Variants in AMOTL1 observed in about 807,000 individuals in gnomAD.
The protein encoded by AMOTL1 is angiomotin like 1.
A neutral mutation model predicts 102.9 loss-of-function variants in AMOTL1; 45 were observed. The observed-to-expected ratio is 0.44, with a 90% confidence interval of 0.34 to 0.56. The LOEUF (loss-of-function observed/expected upper bound fraction) is 0.56. Among genes scored for constraint, AMOTL1 ranks in the 20% least tolerant of loss-of-function variants. The pLI is 0.01. For missense variants in AMOTL1, 1,114 were observed against 1,225.6 expected, an observed-to-expected ratio of 0.91 and a Z score of 1.36; for synonymous variants, 481 against 484.7, an observed-to-expected ratio of 0.99 and a Z score of 0.10.
chr11:94,827,788 T>G (rs1375345653), intron 4 of AMOTL1, among the ~76,000 whole-genome samples: 8 of 152,220 alleles, frequency 5.3e-5, no homozygotes, highest in Admixed American at 5.2e-4. Flanking sequence ...CAGCCTCTTC[T>G]CAGCCATATC....
intron 3 of AMOTL1, among the ~76,000 whole-genome samples, chr11:94,804,722 CTT>C (rs35392288): frequency 0.059 from 8,988 of 152,198 alleles, 368 homozygotes; most frequent in South Asian, 0.12. Context: ...GTTCCTAAGA[CTT>C]ATATATTATA....
At chr11:94,794,949 T>G (rs551735843) in intron 1 of AMOTL1, 62 bp from the exon 2 acceptor site, 1 of 1,502,432 alleles carries the variant, frequency 6.7e-7, no homozygotes, top group Admixed American at 2.2e-5. Context: ...TTCTTGTGAG[T>G]CACACAGGAA....
chr11:94,801,074 G>A (rs1166215059), intron 3 of AMOTL1, among the ~76,000 whole-genome samples: 3 of 152,152 alleles, frequency 2.0e-5, no homozygotes, highest in African/African-American at 2.4e-5. Flanking sequence ...TCAATGTGCT[G>A]TTCTAGGAGA....
intron 1 of AMOTL1, among the ~76,000 whole-genome samples, chr11:94,709,379 T>G (rs1949984663): frequency 6.6e-6 from 1 of 151,826 alleles, no homozygotes; most frequent in African/African-American, 2.4e-5. Context: ...AAAAAGTTCC[T>G]TAATTTGCAG....
chr11:94,764,404 A>G (rs1163535913), upstream of AMOTL1, among the ~76,000 whole-genome samples: 1 of 152,202 alleles, frequency 6.6e-6, no homozygotes, highest in Non-Finnish European at 1.5e-5. Context: ...CATAAGTTAC[A>G]CTTCAGAAAG....
chr11:94,787,687 CAAAAAAAAAAAAAAAAAAAAAAAA>C (rs59563004), intron 1 of AMOTL1, among the ~76,000 whole-genome samples: 22 of 57,546 alleles, frequency 3.8e-4, no homozygotes, highest in African/African-American at 1.5e-3. Flanking sequence ...AACTCCGTCT[CAAAAAAAAAAAAAAAAAAAAAAAA>C]AAAAAAAAAA....
At chr11:94,710,226 T>G (rs892438429) in intron 1 of AMOTL1, among the ~76,000 whole-genome samples, 1 of 152,068 alleles carries the variant, frequency 6.6e-6, no homozygotes, top group African/African-American at 2.4e-5. Flanking sequence ...TGCCCAGAGG[T>G]GCCACCTGAG....
intron 2 of AMOTL1, among the ~76,000 whole-genome samples, chr11:94,733,126 CAG>C (rs1403985435): frequency 4.3e-4 from 65 of 152,330 alleles, no homozygotes; most frequent in African/African-American, 1.5e-3. Flanking sequence ...TAACTAAGCC[CAG>C]CTCAGACAGC....
At chr11:94,864,610 C>A in intron 9 of AMOTL1, 125 bp from the exon 10 acceptor site, 1 of 1,331,374 alleles carries the variant, frequency 7.5e-7, no homozygotes, top group Non-Finnish European at 1.0e-6. Flanking sequence ...CTTCATGAGC[C>A]AATGCGAGAT....
At chr11:94,861,703 T>A (rs904820892) in intron 9 of AMOTL1, among the ~76,000 whole-genome samples, 7 of 152,166 alleles carry the variant, frequency 4.6e-5, no homozygotes, top group Non-Finnish European at 8.8e-5. Flanking sequence ...AAAGCCCCAG[T>A]AGCAGTGTAA....
intron 2 of AMOTL1, among the ~76,000 whole-genome samples, chr11:94,797,481 C>A (rs1446094313): frequency 6.6e-6 from 1 of 152,194 alleles, no homozygotes; most frequent in Non-Finnish European, 1.5e-5. Flanking sequence ...AAGACATGAT[C>A]TTTGCCTTTG....
intron 3 of AMOTL1, among the ~76,000 whole-genome samples, chr11:94,818,607 A>G (rs764259046): frequency 2.1e-4 from 32 of 152,192 alleles, no homozygotes; most frequent in Non-Finnish European, 4.1e-4. Flanking sequence ...GGGACTGGAG[A>G]GAGAAAAATT....
intron 1 of AMOTL1, among the ~76,000 whole-genome samples, chr11:94,776,163 C>G (rs1273034718): frequency 1.3e-5 from 2 of 152,218 alleles, no homozygotes; most frequent in African/African-American, 4.8e-5. Context: ...AGGCAGCTGG[C>G]GCTTGTTCAT....
At chr11:94,816,190 C>T (rs1056908158) in intron 3 of AMOTL1, among the ~76,000 whole-genome samples, 3 of 152,024 alleles carry the variant, frequency 2.0e-5, no homozygotes, top group African/African-American at 2.4e-5. Flanking sequence ...TTTTAAAAGC[C>T]CCGAAATAGT....
At chr11:94,720,602 C>T (rs187414450) in intron 1 of AMOTL1, among the ~76,000 whole-genome samples, 1 of 152,184 alleles carries the variant, frequency 6.6e-6, no homozygotes, top group East Asian at 1.9e-4. Flanking sequence ...GGCTGGAAAC[C>T]CAATATTTGT....
At chr11:94,806,281 G>A (rs888275570) in intron 3 of AMOTL1, among the ~76,000 whole-genome samples, 1 of 152,252 alleles carries the variant, frequency 6.6e-6, no homozygotes, top group African/African-American at 2.4e-5. Context: ...CTTACTCCTA[G>A]TGGGCTCTGT....
At chr11:94,836,075 A>G (rs1952173859) in intron 6 of AMOTL1, among the ~76,000 whole-genome samples, 1 of 152,206 alleles carries the variant, frequency 6.6e-6, no homozygotes, top group Non-Finnish European at 1.5e-5. Context: ...GACTAAAATC[A>G]TTTCCTAAAA....
Position 94,870,807 on chromosome 11 carries a change from G to T in AMOTL1, c.*12G>T, listed in dbSNP as rs759016619. The stretch of plus-strand genomic sequence containing the variant: ...AAGTCCTCATCTAACTGCCATCCCT[G>T]TGGAATTTCAGTACAGAACACTGAC... On this transcript the variant is annotated 3_prime_UTR_variant, in exon 13 of 13. Transcript: ENST00000433060. 1 of 1,578,354 alleles carries T rather than the reference G, an allele frequency of 6.3e-7. No homozygotes were observed. Among genetic ancestry groups the T allele is most frequent in the Non-Finnish European group, 8.6e-7 (1 of 1,159,192 alleles).
rs552510635 is a variant in AMOTL1 at position 94,722,151 on chromosome 11, T to C, written c.-50-6770T>C. ...GCATTCCTCTGCCTCTTCACCTCTGTTGCTCTTTCCTGACTAGTTTTTCCC... is the reference window on the plus strand; with the variant it reads ...GCATTCCTCTGCCTCTTCACCTCTGCTGCTCTTTCCTGACTAGTTTTTCCC... On this transcript the variant is annotated intron_variant, in intron 1 of 4. Transcript: ENST00000299004. Among the ~76,000 whole-genome samples, 13 of 152,238 alleles carry C rather than the reference T, an allele frequency of 8.5e-5. No individual in the cohort carries two copies. In the East Asian group the frequency reaches 1.6e-3, roughly 18 times the overall value.
Sources: gnomAD v4.1 joint callset for allele counts (sites outside exome capture counted in the v4.1 genomes callset) on GRCh38, gnomAD v4.1.1 for gene constraint, MANE v1.5 for transcripts, NCBI Gene and HGNC (gene_info 2026-07-23, HGNC 2026-07-21) for gene names.